LTBP3: variants seen among roughly 807,000 people sequenced by gnomAD.
LTBP3 encodes the protein latent transforming growth factor beta binding protein 3, also known as latent-transforming growth factor beta-binding protein 3.
In LTBP3, 97 loss-of-function variants were observed where a neutral mutation model predicts 159.7. That is an observed-to-expected ratio of 0.61 (90% CI 0.52 to 0.72). LTBP3 has a LOEUF of 0.72. LTBP3 is among the 30% of genes least tolerant of loss of function. The pLI is 0.00. For synonymous variants in LTBP3, 824 were observed against 777.1 expected (o/e 1.06, Z -1.00); for missense variants, 1,584 against 1,864.3 (o/e 0.85, Z 2.77).
chr11:65,541,890 G>A, intron 18 of LTBP3, 162 bp from the exon 19 acceptor site: 1 of 772,838 alleles, frequency 1.3e-6, no homozygotes, highest in Non-Finnish European at 2.2e-6. Context: ...ATGTGCATGT[G>A]GACATTAGCT....
rs1289786148 is a variant in LTBP3, at chr11:65,546,121, C to G, written c.2353+321G>C. The G allele has an allele frequency of 3.3e-5, 13 of 398,644 alleles. No homozygotes were observed. Among genetic ancestry groups the G allele is most frequent in the African/African-American group, 2.6e-4 (12 of 46,274 alleles). 24.7% of individuals were successfully genotyped at this position (398,644 alleles called of 1,614,324 possible). A position where few individuals can be genotyped will look rare whatever the true frequency, so the allele number is the denominator to read the frequency against. Reference sequence around the variant, plus strand: ...CCAGTTTTCAATGAGTCCCAGCCCCCAGCCCCGCCTCTTGGCGTATAATAA... The same window carrying G: ...CCAGTTTTCAATGAGTCCCAGCCCCGAGCCCCGCCTCTTGGCGTATAATAA... On this transcript the variant is annotated intron_variant, in intron 16 of 27. Transcript: ENST00000301873. The surrounding 1 kb of genome is among the most constrained non-coding windows in gnomAD (Gnocchi z 4.0).
At chr11:65,545,982 T>C (rs1856349130) in intron 16 of LTBP3, among the ~76,000 whole-genome samples, 1 of 152,160 alleles carries the variant, frequency 6.6e-6, no homozygotes, top group South Asian at 2.1e-4. Flanking sequence ...GCCCAATTCC[T>C]AGTGATTCTT....
At position 65,546,290 on chromosome 11, in the gene LTBP3, C is replaced by T. The variant is rs78463658; in HGVS notation, c.2353+152G>A. 250 of 1,050,924 alleles carry T rather than the reference C, an allele frequency of 2.4e-4. 2 individuals are homozygous for T. The East Asian group carries it at 6.6e-3, about 28-fold the overall frequency. 65.1% of individuals were successfully genotyped at this position (1,050,924 alleles called of 1,614,324 possible). A position where few individuals can be genotyped will look rare whatever the true frequency, so the allele number is the denominator to read the frequency against. ...ACGTGGAAATTCTAGTGGTGCCTTC[C>T]TTGGCAAAGTTCGTTGAGAAAATGA... On this transcript the variant is annotated intron_variant, in intron 16 of 27. Transcript: ENST00000301873. This position sits in a 1 kb window ranked among gnomAD's most constrained non-coding sequence, Gnocchi z 4.0.
chr11:65,539,399 G>A lies in LTBP3; in HGVS notation c.3689C>T (p.Pro1230Leu). The A allele has an allele frequency of 1.9e-6, 3 of 1,547,626 alleles. No homozygotes were observed. Among genetic ancestry groups the A allele is most frequent in the South Asian group, 2.4e-5 (2 of 84,120 alleles). The change falls in exon 27 of 28, where the codon CCG (proline) becomes CTG (leucine). Residue 1230 changes from proline to leucine, a missense_variant. Coordinates refer to ENST00000301873, the MANE Select transcript of LTBP3 (RefSeq NM_001130144.3). The part of the protein sequence containing the change: ...ECRCVSGRCV[P>L]RPGGAVCECP... ...CTCGCACACGGCGCCGCCCGGCCGC[G>A]GCACGCAGCGGCCACTCACGCAGCG...
chr11:65,553,542 A>T lies in LTBP3; in HGVS notation c.865-12T>A, dbSNP rs1449063129. 10 of 1,463,370 alleles carry T rather than the reference A, an allele frequency of 6.8e-6. No individual in the cohort carries two copies. The highest frequency in any genetic ancestry group is 9.5e-6 in the Non-Finnish European group (10 of 1,048,316). The allele number at this position is 1,463,370 out of a possible 1,614,324, so 90.6% of individuals were successfully genotyped here. A position where few individuals can be genotyped will look rare whatever the true frequency, so the allele number is the denominator to read the frequency against. On this transcript the variant is annotated splice_polypyrimidine_tract_variant and intron_variant, in intron 3 of 27. Transcript: ENST00000301873. This position sits in a 1 kb window ranked among gnomAD's most constrained non-coding sequence, Gnocchi z 6.5. ...GGGTTGCTGCCACACTAGGGGAAGG[A>T]GGGGGAGGTGGGGTCACAGAGCACC...
At position 65,554,500 on chromosome 11, in the gene LTBP3, C is replaced by T. The variant is rs1411013781; in HGVS notation, c.332-120G>A. ...AAGCCAGGTTTTGAGATACATCCTA[C>T]ATAGGGAAACTGCCCTCTCTAGGTT... On this transcript the variant is annotated intron_variant, in intron 1 of 27. Transcript: ENST00000301873. The surrounding 1 kb of genome is among the most constrained non-coding windows in gnomAD (Gnocchi z 5.3). The T allele has an allele frequency of 2.8e-6, 2 of 723,056 alleles. No homozygotes were observed. The highest frequency in any genetic ancestry group is 5.4e-5 in the East Asian group (2 of 36,862). The allele number at this position is 723,056 out of a possible 1,614,324, so 44.8% of individuals were successfully genotyped here.
chr11:65,553,103 C>A lies in LTBP3; in HGVS notation c.1063+61G>T. On this transcript the variant is annotated intron_variant, in intron 5 of 27. Coordinates refer to ENST00000301873, the MANE Select transcript of LTBP3 (RefSeq NM_001130144.3). This position sits in a 1 kb window ranked among gnomAD's most constrained non-coding sequence, Gnocchi z 6.5. Reference sequence around the variant, plus strand: ...CTCTCTCGCCCACCTTGGGACCCTCCCCACCCCCAGTGATGGCTGGCCTGC... The same window carrying A: ...CTCTCTCGCCCACCTTGGGACCCTCACCACCCCCAGTGATGGCTGGCCTGC... 6.2e-7 allele frequency: 1 copy of A among 1,606,346 alleles called. No individual in the cohort carries two copies. Among genetic ancestry groups the A allele is most frequent in the Non-Finnish European group, 8.5e-7 (1 of 1,173,314 alleles).
In LTBP3 at chr11:65,558,088, C is replaced by A; in HGVS notation, c.-129G>T. The A allele has an allele frequency of 1.2e-6, 1 of 836,870 alleles. No homozygotes were observed. 51.8% of individuals were successfully genotyped at this position (836,870 alleles called of 1,614,324 possible). ...CAGCGAGGGAGGGCAGCGGGGGAAGCGGGCGGGAGGGGACCGCGGGGGCCC... is the reference window on the plus strand; with the variant it reads ...CAGCGAGGGAGGGCAGCGGGGGAAGAGGGCGGGAGGGGACCGCGGGGGCCC... On this transcript the variant is annotated 5_prime_UTR_variant, in exon 1 of 28. Coordinates refer to ENST00000301873, the MANE Select transcript of LTBP3 (RefSeq NM_001130144.3).
In LTBP3 at chr11:65,540,345, G is replaced by C; in HGVS notation, c.3144C>G (p.Asn1048Lys). 6.3e-7 allele frequency: 1 copy of C among 1,587,264 alleles called. No individual in the cohort carries two copies. Among genetic ancestry groups the C allele is most frequent in the Non-Finnish European group, 8.6e-7 (1 of 1,168,180 alleles). Reference protein sequence around the residue: ...DECLDESNCRNGVCENTRGGY... With the variant: ...DECLDESNCRKGVCENTRGGY... ...CGCCGCGCGTGTTCTCACACACTCC[G>C]TTCCGGCAGTTGGACTCGTCCAGGC... Residue 1048 changes from asparagine to lysine, a missense_variant, in exon 23 of 28, where the codon AAC (asparagine) becomes AAG (lysine). Physicochemically the swap from Asn to Lys is moderately conservative, Grantham distance 94. This residue lies in a region of LTBP3 where 514 missense variants were observed against 530.3 expected (regional missense o/e 0.97). Transcript: ENST00000301873.
At position 65,557,668 on chromosome 11, in the gene LTBP3, G is replaced by A. The variant is rs1383679485; in HGVS notation, c.292C>T (p.His98Tyr). The change falls in exon 1 of 28, where the codon CAC (histidine) becomes TAC (tyrosine). Residue 98 changes from histidine to tyrosine, a missense_variant. By Grantham distance (83) the His-to-Tyr change is moderately conservative (BLOSUM62 2). Coordinates refer to ENST00000301873, the MANE Select transcript of LTBP3 (RefSeq NM_001130144.3). Reference protein sequence around the residue: ...SNMTLIGENGHSTDTLTGSGF... With the variant: ...SNMTLIGENGYSTDTLTGSGF... ...GAGCCCGTGAGCGTGTCTGTGCTGTGGCCGTTCTCTCCGATGAGCGTCATG... is the reference window on the plus strand; with the variant it reads ...GAGCCCGTGAGCGTGTCTGTGCTGTAGCCGTTCTCTCCGATGAGCGTCATG... 6.2e-7 allele frequency: 1 copy of A among 1,611,124 alleles called. No homozygotes were observed. Among genetic ancestry groups the A allele is most frequent in the South Asian group, 1.1e-5 (1 of 91,086 alleles).
Position 65,543,483 on chromosome 11 carries a change from A to G in LTBP3, c.2420T>C (p.Phe807Ser), listed in dbSNP as rs1288633375. The G allele has an allele frequency of 6.2e-7, 1 of 1,614,078 alleles. No individual in the cohort carries two copies. The highest frequency in any genetic ancestry group is 2.2e-5 in the East Asian group (1 of 44,886). Residue 807 changes from phenylalanine (F) to serine (S), a missense_variant, in exon 17 of 28, where the codon TTC (phenylalanine) becomes TCC (serine). Around this residue, in one of 6 missense-constraint regions of LTBP3, gnomAD observed 565 missense variants for 677.7 expected, o/e 0.83. Transcript: ENST00000301873. ...GTAGCCAGAGAGGCACTGACACTGG[A>G]AAGATCCTGGCGTGTTGCTGCAGAT... ...NGICSNTPGS[F>S]QCQCLSGYHL...
rs1279503631 is a variant in LTBP3, at chr11:65,539,795, T to C, written c.3472A>G (p.Thr1158Ala). Residue 1158 changes from threonine to alanine, a missense_variant, in exon 25 of 28, where the codon ACC (threonine) becomes GCC (alanine). By Grantham distance (58) the Thr-to-Ala change is moderately conservative (BLOSUM62 0). Coordinates refer to ENST00000301873, the MANE Select transcript of LTBP3 (RefSeq NM_001130144.3). ...CAGPLAGPAL[T>A]FDDCCCRQGR... ...TGGCGGCAGCAGCAGTCGTCGAAGG[T>C]GAGGGCAGGCCCGGCCAGGGGGCCA... is the stretch of plus-strand genomic sequence containing the variant. 1 of 1,543,738 alleles carries C rather than the reference T, an allele frequency of 6.5e-7. No homozygotes were observed. Among genetic ancestry groups the C allele is most frequent in the Non-Finnish European group, 8.7e-7 (1 of 1,152,136 alleles).
chr11:65,541,917 C>A, intron 18 of LTBP3, 189 bp from the exon 19 acceptor site: 2 of 640,780 alleles, frequency 3.1e-6, no homozygotes, highest in Non-Finnish European at 5.5e-6. Context: ...CTTCATAACA[C>A]CTTCAGTGGC....
chr11:65,539,194 C>G lies in LTBP3; in HGVS notation c.3798G>C (p.Leu1266=). ...DECRELNQRG[L]LCKSERCVNT... ...TCACGCAGCGCTCGCTCTTGCACAG[C>G]AGCCCGCGCTGGTTCAGCTCTCGGC... is the stretch of plus-strand genomic sequence containing the variant. The change falls in exon 28 of 28, where the codon CTG becomes CTC. Residue 1266 remains leucine (L), a synonymous_variant. Coordinates refer to ENST00000301873, the MANE Select transcript of LTBP3 (RefSeq NM_001130144.3). 6.6e-7 allele frequency: 1 copy of G among 1,522,726 alleles called. No homozygotes were observed. Among genetic ancestry groups the G allele is most frequent in the East Asian group, 2.6e-5 (1 of 38,630 alleles). The allele number at this position is 1,522,726 out of a possible 1,614,324, so 94.3% of individuals were successfully genotyped here.
rs1855896151 is a variant in LTBP3 at position 65,538,921 on chromosome 11, G to A, written c.*159C>T. On this transcript the variant is annotated 3_prime_UTR_variant, in exon 28 of 28. Transcript: ENST00000301873. Reference sequence around the variant, plus strand: ...TACAACCGCCCGCTAACCGGGGAGGGGGGCCGGTAGGGGCGCCTCGGGTCT... The same window carrying A: ...TACAACCGCCCGCTAACCGGGGAGGAGGGCCGGTAGGGGCGCCTCGGGTCT... 1.6e-6 allele frequency: 2 copies of A among 1,275,736 alleles called. No homozygotes were observed. Among genetic ancestry groups the A allele is most frequent in the Non-Finnish European group, 2.0e-6 (2 of 998,614 alleles). The allele number at this position is 1,275,736 out of a possible 1,614,324, so 79.0% of individuals were successfully genotyped here. A position where few individuals can be genotyped will look rare whatever the true frequency, so the allele number is the denominator to read the frequency against.
chr11:65,539,054 C>G lies in LTBP3; in HGVS notation c.*26G>C, dbSNP rs1296685091. On this transcript the variant is annotated 3_prime_UTR_variant, in exon 28 of 28. Coordinates refer to ENST00000301873, the MANE Select transcript of LTBP3 (RefSeq NM_001130144.3). Reference sequence around the variant, plus strand: ...GAAATCCCTCAGTGATCACCGAGGTCTGGGCCGAGGGCGGCGTCGGCGGCG... The same window carrying G: ...GAAATCCCTCAGTGATCACCGAGGTGTGGGCCGAGGGCGGCGTCGGCGGCG... 7.4e-6 allele frequency: 10 copies of G among 1,357,026 alleles called. No homozygotes were observed. The highest frequency in any genetic ancestry group is 3.7e-5 in the Admixed American group (1 of 27,274). 84.1% of individuals were successfully genotyped at this position (1,357,026 alleles called of 1,614,324 possible).
At position 65,552,121 on chromosome 11, in the gene LTBP3, T is replaced by A; in HGVS notation, c.1382A>T (p.Tyr461Phe). ...CGTCTGGTGGGAGGTGAGAATGTGGTATCCCTTCCCAGCTGGGCAGATCTC... is the reference window on the plus strand; with the variant it reads ...CGTCTGGTGGGAGGTGAGAATGTGGAATCCCTTCCCAGCTGGGCAGATCTC... ...FKEICPAGKGYHILTSHQTLT... is the reference protein window; with the variant it reads ...FKEICPAGKGFHILTSHQTLT... Residue 461 changes from tyrosine to phenylalanine, a missense_variant, in exon 8 of 28, where the codon TAC (tyrosine) becomes TTC (phenylalanine). Coordinates refer to ENST00000301873, the MANE Select transcript of LTBP3 (RefSeq NM_001130144.3). This position sits in a 1 kb window ranked among gnomAD's most constrained non-coding sequence, Gnocchi z 6.0. 1.9e-6 allele frequency: 3 copies of A among 1,614,118 alleles called. No homozygotes were observed. The highest frequency in any genetic ancestry group is 2.5e-6 in the Non-Finnish European group (3 of 1,180,006).
intron 11 of LTBP3, chr11:65,548,497 C>A: frequency 4.1e-6 from 1 of 245,876 alleles, no homozygotes; most frequent in East Asian, 9.1e-5. Flanking sequence ...GGACCCGACC[C>A]CCTATTCCAG....
chr11:65,552,364 C>T lies in LTBP3; in HGVS notation c.1229G>A (p.Ser410Asn). ...EEKSLCFRLV[S>N]PEHQCQHPLT... ...TGGGTGCTGGCACTGGTGCTCAGGG[C>T]TCACCAGGCGGAAACACAGGCTCTT... Residue 410 changes from serine (S) to asparagine (N), a missense_variant, in exon 7 of 28, where the codon AGC becomes AAC. By Grantham distance (46) the Ser-to-Asn change is conservative. Coordinates refer to ENST00000301873, the MANE Select transcript of LTBP3 (RefSeq NM_001130144.3). The surrounding 1 kb of genome is among the most constrained non-coding windows in gnomAD (Gnocchi z 6.0). The T allele has an allele frequency of 6.2e-7, 1 of 1,613,984 alleles. No individual in the cohort carries two copies. The highest frequency in any genetic ancestry group is 8.5e-7 in the Non-Finnish European group (1 of 1,179,982).
Sources: gnomAD v4.1 joint callset for allele counts (sites outside exome capture counted in the v4.1 genomes callset) on GRCh38, gnomAD v4.1.1 for gene constraint, gnomAD v4.1.1 regional missense constraint, Gnocchi (gnomAD v3.1) non-coding constraint, MANE v1.5 for transcripts, NCBI Gene and HGNC (gene_info 2026-07-23, HGNC 2026-07-21) for gene names.